Variants in PPP1R16B observed in about 807,000 individuals in gnomAD.
PPP1R16B encodes protein phosphatase 1 regulatory subunit 16B.
PPP1R16B carries 14 observed loss-of-function variants against 61.7 expected under a neutral mutation model. The ratio of observed to expected loss-of-function variants is 0.23; its 90% confidence interval spans 0.15 to 0.35. The LOEUF is 0.35. PPP1R16B is among the 10% of genes least tolerant of loss of function. The pLI is 1.00. For missense variants in PPP1R16B, 547 were observed against 752.5 expected (o/e 0.73, Z 3.19); for synonymous variants, 266 against 305.3 (o/e 0.87, Z 1.34).
At chr20:38,872,038 A>G (rs2085133806) in intron 2 of PPP1R16B, among the ~76,000 whole-genome samples, 1 of 152,202 alleles carries the variant, frequency 6.6e-6, no homozygotes, top group Non-Finnish European at 1.5e-5. Flanking sequence ...GCACGTCTCA[A>G]TCTGGATTAT....
intron 2 of PPP1R16B, among the ~76,000 whole-genome samples, chr20:38,854,687 C>T (rs1175213556): frequency 6.6e-6 from 1 of 152,112 alleles, no homozygotes; most frequent in African/African-American, 2.4e-5. Context: ...ACTCAGATTC[C>T]TCATCTGTAA....
intron 1 of PPP1R16B, among the ~76,000 whole-genome samples, chr20:38,827,932 C>G (rs547628797): frequency 2.0e-5 from 3 of 152,140 alleles, no homozygotes; most frequent in Admixed American, 1.3e-4. Context: ...TCTTCTTTCC[C>G]TCATGCTCAA....
At chr20:38,870,818 A>G (rs904632635) in intron 2 of PPP1R16B, among the ~76,000 whole-genome samples, 2 of 152,164 alleles carry the variant, frequency 1.3e-5, no homozygotes, top group Non-Finnish European at 2.9e-5. Flanking sequence ...ATTGTGGCTC[A>G]TTCTAGTGTC....
At chr20:38,831,412 G>A (rs2084836414) in intron 1 of PPP1R16B, among the ~76,000 whole-genome samples, 1 of 152,258 alleles carries the variant, frequency 6.6e-6, no homozygotes, top group African/African-American at 2.4e-5. Flanking sequence ...TGTTCACCCT[G>A]CTGTGTGTTG....
intron 1 of PPP1R16B, among the ~76,000 whole-genome samples, chr20:38,816,172 T>G (rs2084734113): frequency 6.6e-6 from 1 of 152,050 alleles, no homozygotes; most frequent in South Asian, 2.1e-4. Context: ...TTTAGAATAG[T>G]CTCTTTGGTA....
At chr20:38,831,572 G>A (rs1015559161) in intron 1 of PPP1R16B, among the ~76,000 whole-genome samples, 3 of 152,186 alleles carry the variant, frequency 2.0e-5, no homozygotes, top group South Asian at 2.1e-4. Flanking sequence ...GCAGTCAGGC[G>A]GGAGTAATGG....
intron 2 of PPP1R16B, among the ~76,000 whole-genome samples, chr20:38,856,975 G>A (rs982953927): frequency 6.6e-6 from 1 of 152,224 alleles, no homozygotes; most frequent in Non-Finnish European, 1.5e-5. Flanking sequence ...AGGGTGTCCT[G>A]GTTGGGTAAG....
chr20:38,864,581 T>A (rs902569065), intron 2 of PPP1R16B, among the ~76,000 whole-genome samples: 1 of 152,124 alleles, frequency 6.6e-6, no homozygotes, highest in African/African-American at 2.4e-5. Flanking sequence ...ACCTGGAATT[T>A]GAACTCAAGC....
chr20:38,855,429 C>G (rs868698856), intron 2 of PPP1R16B, among the ~76,000 whole-genome samples: 2 of 151,684 alleles, frequency 1.3e-5, no homozygotes, highest in Non-Finnish European at 2.9e-5. Flanking sequence ...AACATTTTGT[C>G]AAGGAGGCAT....
At chr20:38,904,178 A>T (rs573994309) in intron 6 of PPP1R16B, among the ~76,000 whole-genome samples, 2 of 152,342 alleles carry the variant, frequency 1.3e-5, no homozygotes, top group South Asian at 4.1e-4. Flanking sequence ...TCAGGTAGGA[A>T]GTCTGACTAT....
chr20:38,821,341 G>A (rs2084772545), intron 1 of PPP1R16B, among the ~76,000 whole-genome samples: 1 of 152,180 alleles, frequency 6.6e-6, no homozygotes, highest in Non-Finnish European at 1.5e-5. Context: ...ATTCCTATGT[G>A]CTTTATTTGG....
intron 2 of PPP1R16B, among the ~76,000 whole-genome samples, chr20:38,862,094 C>T (rs1363357484): frequency 2.6e-5 from 4 of 152,204 alleles, no homozygotes; most frequent in Admixed American, 2.6e-4. Context: ...GTGTAGGGCC[C>T]CCCAGCCTTG....
intron 1 of PPP1R16B, among the ~76,000 whole-genome samples, chr20:38,811,760 T>C (rs891528761): frequency 1.3e-5 from 2 of 152,206 alleles, no homozygotes; most frequent in African/African-American, 4.8e-5. Flanking sequence ...GAGGAGCTAC[T>C]GACATCCAGT....
At chr20:38,894,728 C>G (rs1483602740) in intron 3 of PPP1R16B, among the ~76,000 whole-genome samples, 1 of 152,210 alleles carries the variant, frequency 6.6e-6, no homozygotes. Flanking sequence ...TTTCTCCTCT[C>G]TCCCGGCCTT....
At chr20:38,859,945 A>G (rs1168427283) in intron 2 of PPP1R16B, among the ~76,000 whole-genome samples, 1 of 152,160 alleles carries the variant, frequency 6.6e-6, no homozygotes, top group Admixed American at 6.5e-5. Flanking sequence ...GAGATTTTAC[A>G]TTCTGTTTTT....
intron 2 of PPP1R16B, among the ~76,000 whole-genome samples, chr20:38,853,019 C>A (rs568940374): frequency 1.3e-3 from 194 of 152,020 alleles, no homozygotes; most frequent in Non-Finnish European, 2.1e-3. Context: ...TGATCCATTC[C>A]CCTCGGTCTC....
In PPP1R16B at chr20:38,895,721, C is replaced by T. The variant is rs1212175988; in HGVS notation, c.467+11C>T. The T allele has an allele frequency of 1.2e-6, 2 of 1,613,124 alleles. No homozygotes were observed. The highest frequency in any genetic ancestry group is 1.1e-5 in the South Asian group (1 of 91,032). On this transcript the variant is annotated intron_variant, in intron 4 of 10. Transcript: ENST00000299824. ...GATCCTCGTTCAGTAGTACGTGCCC[C>T]TCCCTGCCCCAGAGCAGCCTCCCTC... is the stretch of plus-strand genomic sequence containing the variant.
chr20:38,818,335 C>A (rs2084752383), intron 1 of PPP1R16B, among the ~76,000 whole-genome samples: 1 of 152,108 alleles, frequency 6.6e-6, no homozygotes, highest in African/African-American at 2.4e-5. Flanking sequence ...AGGAGTGAAT[C>A]ATCAGTCCTG....
chr20:38,852,849 C>T (rs761103706), intron 2 of PPP1R16B, among the ~76,000 whole-genome samples: 1 of 148,490 alleles, frequency 6.7e-6, no homozygotes, highest in Non-Finnish European at 1.5e-5. Context: ...TCTCGGCTCA[C>T]TGCAACCTCC....
Sources: allele counts gnomAD v4.1 joint callset (sites outside exome capture counted in the v4.1 genomes callset), GRCh38; gene constraint gnomAD v4.1.1; transcripts MANE v1.5; gene names NCBI Gene and HGNC (gene_info 2026-07-23, HGNC 2026-07-21).